The following IFT74 variants were observed in gnomAD, a reference collection of about 807,000 sequenced individuals.
IFT74 encodes intraflagellar transport protein 74 homolog.
IFT74 carries 92 observed loss-of-function variants against 96.7 expected under a neutral mutation model. That is an observed-to-expected ratio of 0.95 (90% CI 0.80 to 1.13). The LOEUF (loss-of-function observed/expected upper bound fraction) is 1.13. Ranked by LOEUF, IFT74 falls within the 50% of genes most tolerant of loss-of-function variation. IFT74 has a pLI of 0.00. For synonymous variants in IFT74, 223 were observed against 213.2 expected, an observed-to-expected ratio of 1.05 and a Z score of -0.40; for missense variants, 811 against 698.2, an observed-to-expected ratio of 1.16 and a Z score of -1.82.
chr9:26,999,767 A>ATTAT, intron 8 of IFT74: 3 of 457,778 alleles, frequency 6.6e-6, no homozygotes, highest in African/African-American at 6.0e-5. Context: ...GAATCTGTTT[A>ATTAT]TTCTTTTTTT....
At chr9:27,003,549 A>G (rs961927130) in intron 8 of IFT74, among the ~76,000 whole-genome samples, 7 of 152,078 alleles carry the variant, frequency 4.6e-5, no homozygotes, top group African/African-American at 1.7e-4. Flanking sequence ...AACTAATCAG[A>G]GTAGGCAAGA....
chr9:26,985,529 T>C (rs1827594298), intron 6 of IFT74, among the ~76,000 whole-genome samples: 1 of 152,156 alleles, frequency 6.6e-6, no homozygotes, highest in Non-Finnish European at 1.5e-5. Flanking sequence ...AAATAGTACA[T>C]GAATACATAC....
intron 14 of IFT74, 136 bp from the exon 15 acceptor site, chr9:27,047,138 C>T (rs1023715377): frequency 9.6e-6 from 5 of 520,764 alleles, no homozygotes; most frequent in African/African-American, 8.0e-5. Context: ...TGCCACTGCA[C>T]TCCAGCCTGG....
At chr9:27,046,120 A>G (rs1473796426) in intron 14 of IFT74, among the ~76,000 whole-genome samples, 3 of 152,196 alleles carry the variant, frequency 2.0e-5, no homozygotes, top group East Asian at 1.9e-4. Context: ...CCCCTGAAAG[A>G]CAATGTTCAT....
At chr9:26,974,331 T>C (rs1827006772) in intron 2 of IFT74, among the ~76,000 whole-genome samples, 1 of 152,312 alleles carries the variant, frequency 6.6e-6, no homozygotes, top group Non-Finnish European at 1.5e-5. Context: ...TTTTTGTAAC[T>C]TTTTTGAAAT....
intron 18 of IFT74, among the ~76,000 whole-genome samples, chr9:27,059,559 G>T (rs1433711968): frequency 6.6e-6 from 1 of 152,180 alleles, no homozygotes; most frequent in Non-Finnish European, 1.5e-5. Flanking sequence ...AAGGTTATTA[G>T]AAATTTACTG....
chr9:26,999,727 A>C, intron 8 of IFT74: 1 of 1,421,578 alleles, frequency 7.0e-7, no homozygotes, highest in Non-Finnish European at 9.6e-7. Context: ...GAGTATTTTC[A>C]TTAAGGACAT....
At chr9:27,012,036 T>A in intron 10 of IFT74, 68 bp downstream of exon 10, 1 of 915,550 alleles carries the variant, frequency 1.1e-6, no homozygotes, top group Non-Finnish European at 1.6e-6. Flanking sequence ...CCAAGTATAT[T>A]AATATAACTA....
intron 6 of IFT74, among the ~76,000 whole-genome samples, chr9:26,987,195 G>A (rs1015527375): frequency 6.6e-6 from 1 of 151,900 alleles, no homozygotes; most frequent in African/African-American, 2.4e-5. Context: ...GATTACAGGC[G>A]CTTGCCACCA....
intron 16 of IFT74, among the ~76,000 whole-genome samples, chr9:27,051,984 T>C (rs188692925): frequency 2.0e-5 from 3 of 152,340 alleles, no homozygotes; most frequent in Non-Finnish European, 4.4e-5. Flanking sequence ...TTTTATTTCA[T>C]TTAGAAAACC....
At chr9:27,048,579 G>A (rs546566397) in intron 16 of IFT74, among the ~76,000 whole-genome samples, 1 of 152,358 alleles carries the variant, frequency 6.6e-6, no homozygotes, top group African/African-American at 2.4e-5. Flanking sequence ...CAGCGTGGCA[G>A]TAAGGCAGGA....
intron 14 of IFT74, among the ~76,000 whole-genome samples, chr9:27,046,724 C>T (rs908904186): frequency 2.6e-5 from 4 of 152,108 alleles, no homozygotes; most frequent in Non-Finnish European, 5.9e-5. Flanking sequence ...TTCTGATTGT[C>T]ATTTTATCAG....
At chr9:27,008,379 A>G (rs1008670209) in intron 8 of IFT74, among the ~76,000 whole-genome samples, 18 of 149,642 alleles carry the variant, frequency 1.2e-4, no homozygotes, top group Non-Finnish European at 2.2e-4. Flanking sequence ...TTTTTTTGAG[A>G]TGGAGTTTTG....
intron 16 of IFT74, among the ~76,000 whole-genome samples, chr9:27,049,321 C>A (rs1183471859): frequency 6.6e-6 from 1 of 152,136 alleles, no homozygotes; most frequent in African/African-American, 2.4e-5. Context: ...CAACTGGATA[C>A]CCTAAGAAAG....
At chr9:27,014,595 G>C (rs536217844) in intron 10 of IFT74, among the ~76,000 whole-genome samples, 2 of 151,970 alleles carry the variant, frequency 1.3e-5, no homozygotes, top group Non-Finnish European at 2.9e-5. Context: ...ACTTTTGCCA[G>C]ATTTCTTTCT....
chr9:27,021,767 C>G (rs1268634104), intron 12 of IFT74, among the ~76,000 whole-genome samples: 2 of 152,068 alleles, frequency 1.3e-5, no homozygotes, highest in African/African-American at 4.8e-5. Context: ...AAAGTTTTCT[C>G]CAACTCTGTG....
intron 12 of IFT74, among the ~76,000 whole-genome samples, chr9:27,022,321 C>T (rs1034029556): frequency 3.3e-5 from 5 of 151,966 alleles, no homozygotes; most frequent in Admixed American, 3.3e-4. Context: ...TGCAGGCTCG[C>T]TTTGGGTTCC....
intron 12 of IFT74, among the ~76,000 whole-genome samples, chr9:27,026,945 C>G (rs1316584405): frequency 3.9e-4 from 7 of 17,862 alleles, no homozygotes; most frequent in Non-Finnish European, 6.3e-4. Context: ...AAAACCCAAA[C>G]CCACCAAAAG....
intron 13 of IFT74, among the ~76,000 whole-genome samples, chr9:27,038,864 A>G (rs1054856365): frequency 1.3e-5 from 2 of 152,186 alleles, no homozygotes; most frequent in African/African-American, 2.4e-5. Context: ...CACCTGAGGG[A>G]TAGCAACATG....
Sources: gnomAD v4.1 joint callset for allele counts (sites outside exome capture counted in the v4.1 genomes callset) on GRCh38, gnomAD v4.1.1 for gene constraint, MANE v1.5 for transcripts, NCBI Gene and HGNC (gene_info 2026-07-23, HGNC 2026-07-21) for gene names.